TANC1: variants seen among roughly 807,000 people sequenced by gnomAD.
The protein encoded by TANC1 is tetratricopeptide repeat, ankyrin repeat and coiled-coil containing 1.
A neutral mutation model predicts 149.7 loss-of-function variants in TANC1; 77 were observed. That is an observed-to-expected ratio of 0.51 (90% CI 0.43 to 0.62). TANC1 has a LOEUF of 0.62. TANC1 is among the 20% of genes least tolerant of loss of function. The pLI is 0.00. For missense variants in TANC1, 1,985 were observed against 2,321.8 expected (o/e 0.85, Z 2.98); for synonymous variants, 854 against 925.0 (o/e 0.92, Z 1.39).
chr2:159,102,264 T>A (rs2149957608), intron 4 of TANC1, among the ~76,000 whole-genome samples: 1 of 152,242 alleles, frequency 6.6e-6, no homozygotes, highest in Middle Eastern at 3.4e-3. Context: ...TCTTGTGTGC[T>A]GCTTGTGTCA....
intron 17 of TANC1, among the ~76,000 whole-genome samples, chr2:159,195,633 A>G (rs1312176900): frequency 1.3e-5 from 2 of 152,234 alleles, no homozygotes; most frequent in East Asian, 3.8e-4. Flanking sequence ...TCTCAAATCC[A>G]ACATTTGGGA....
intron 2 of TANC1, among the ~76,000 whole-genome samples, chr2:159,024,193 T>C (rs1367550291): frequency 4.6e-5 from 7 of 152,202 alleles, no homozygotes; most frequent in Admixed American, 4.6e-4. Flanking sequence ...ACATGGCATG[T>C]GTATGCAATG....
chr2:159,106,030 C>T (rs923466695), intron 4 of TANC1, among the ~76,000 whole-genome samples: 22 of 151,510 alleles, frequency 1.5e-4, no homozygotes, highest in South Asian at 4.2e-4. Context: ...TGTTTTATGA[C>T]GCACAGAAGT....
chr2:159,201,020 A>C (rs2058207531), intron 19 of TANC1, among the ~76,000 whole-genome samples: 1 of 152,192 alleles, frequency 6.6e-6, no homozygotes, highest in Non-Finnish European at 1.5e-5. Context: ...CGTTTGTTAA[A>C]ATTTAAAGCA....
intron 2 of TANC1, among the ~76,000 whole-genome samples, chr2:159,010,428 AGT>A (rs1486639681): frequency 1.3e-5 from 2 of 152,204 alleles, no homozygotes; most frequent in Non-Finnish European, 2.9e-5. Flanking sequence ...TCACTAAAAG[AGT>A]GAATCAGGGA....
chr2:159,037,298 C>A (rs1318589089), intron 2 of TANC1, among the ~76,000 whole-genome samples: 3 of 152,064 alleles, frequency 2.0e-5, no homozygotes, highest in South Asian at 2.1e-4. Flanking sequence ...AAATTTTCTC[C>A]CATTCTGTAG....
chr2:159,017,132 T>A (rs2149404929), intron 2 of TANC1, among the ~76,000 whole-genome samples: 1 of 152,310 alleles, frequency 6.6e-6, no homozygotes, highest in Non-Finnish European at 1.5e-5. Context: ...TTTTAGTCTT[T>A]TTGGAACACT....
chr2:159,224,544 T>G, intron 23 of TANC1, 180 bp downstream of exon 23: 8 of 699,294 alleles, frequency 1.1e-5, no homozygotes, highest in Non-Finnish European at 1.9e-5. Flanking sequence ...CTCACGGTGT[T>G]TCTGCGGGGA....
At chr2:159,011,043 C>T (rs1343703597) in intron 2 of TANC1, among the ~76,000 whole-genome samples, 1 of 152,100 alleles carries the variant, frequency 6.6e-6, no homozygotes, top group African/African-American at 2.4e-5. Context: ...ACAATAGTTG[C>T]TTTAATCCTG....
chr2:159,194,364 T>C lies in TANC1; in HGVS notation c.2850T>C (p.Val950=), dbSNP rs2057697161. Residue 950 remains valine (V), a synonymous_variant, in exon 17 of 27, where the codon GTT becomes GTC. Transcript: ENST00000263635. ...CVQSHLGHEE[V]VTLLLEFGAC... ...AGTCTCACCTTGGCCACGAGGAAGT[T>C]GTCACTCTGCTCCTGGAATTTGGTG... The C allele has an allele frequency of 1.2e-6, 2 of 1,614,154 alleles. No individual in the cohort carries two copies. Among genetic ancestry groups the C allele is most frequent in the African/African-American group, 1.3e-5 (1 of 74,958 alleles).
At chr2:159,025,191 TTC>T (rs72427104) in intron 2 of TANC1, among the ~76,000 whole-genome samples, 1 of 120,702 alleles carries the variant, frequency 8.3e-6, no homozygotes, top group Non-Finnish European at 1.7e-5. Context: ...TTTCTTTCTT[TTC>T]TTTCTTTCTT....
At position 159,230,228 on chromosome 2, in the gene TANC1, T is replaced by G. The variant is rs751144975; in HGVS notation, c.4802T>G (p.Leu1601Arg). The G allele has an allele frequency of 6.2e-7, 1 of 1,613,950 alleles. No individual in the cohort carries two copies. Among genetic ancestry groups the G allele is most frequent in the Non-Finnish European group, 8.5e-7 (1 of 1,180,040 alleles). Reference protein sequence around the residue: ...RAGCGHFGDRLGPSQNVRLQC... With the variant: ...RAGCGHFGDRRGPSQNVRLQC... ...GGTTGTGGCCACTTTGGGGATCGGC[T>G]GGGCCCCAGCCAGAATGTCCGCCTG... The change falls in exon 27 of 27, where the codon CTG (leucine) becomes CGG (arginine). Residue 1601 changes from leucine to arginine, a missense_variant. Around this residue, in one of 3 missense-constraint regions of TANC1, gnomAD observed 920 missense variants for 994.7 expected, o/e 0.92. Coordinates refer to ENST00000263635, the MANE Select transcript of TANC1 (RefSeq NM_033394.3). The surrounding 1 kb of genome is among the most constrained non-coding windows in gnomAD (Gnocchi z 4.4).
At position 158,988,326 on chromosome 2, in the gene TANC1, A is replaced by C. The variant is rs937190438; in HGVS notation, c.-125-12754A>C. Among the ~76,000 whole-genome samples, 67 of 136,910 alleles carry C rather than the reference A, an allele frequency of 4.9e-4. 1 individual carries two copies. The highest frequency in any genetic ancestry group is 1.5e-3 in the African/African-American group (52 of 35,578). The allele number at this position is 136,910 out of a possible 152,430, so 89.8% of individuals were successfully genotyped here. On this transcript the variant is annotated intron_variant, in intron 1 of 26. Coordinates refer to ENST00000263635, the MANE Select transcript of TANC1 (RefSeq NM_033394.3). ...TGGGTGACAGGCAAGACCCTGTCCC[A>C]AAAAAAAAAAAAAAAAAGAAAAAGT...
intron 6 of TANC1, chr2:159,149,707 AAGATG>A (rs1442561758): frequency 5.0e-6 from 1 of 200,490 alleles, no homozygotes; most frequent in Non-Finnish European, 1.0e-5. Context: ...GAGACAAAAT[AAGATG>A]AGATCAAATG....
chr2:159,085,839 A>G (rs1468688942), intron 3 of TANC1, among the ~76,000 whole-genome samples: 2 of 152,164 alleles, frequency 1.3e-5, no homozygotes, highest in African/African-American at 4.8e-5. Flanking sequence ...ACATTTCCAC[A>G]TGAAATTTCA....
chr2:159,047,891 T>A (rs1279629470), intron 2 of TANC1, among the ~76,000 whole-genome samples: 2 of 152,186 alleles, frequency 1.3e-5, no homozygotes, highest in African/African-American at 4.8e-5. Flanking sequence ...TTAAAACTCA[T>A]CACTGGGCCT....
At chr2:159,085,824 G>A (rs1431559531) in intron 3 of TANC1, among the ~76,000 whole-genome samples, 2 of 152,090 alleles carry the variant, frequency 1.3e-5, no homozygotes, top group African/African-American at 2.4e-5. Context: ...CACCTAGTGC[G>A]GATTACATTT....
intron 7 of TANC1, among the ~76,000 whole-genome samples, chr2:159,156,929 C>A (rs1209218618): frequency 6.6e-6 from 1 of 152,218 alleles, no homozygotes; most frequent in Middle Eastern, 3.2e-3. Context: ...GTTGAAGAGC[C>A]TGATGAATGT....
chr2:159,027,874 G>A (rs1243106806), intron 2 of TANC1, among the ~76,000 whole-genome samples: 1 of 152,160 alleles, frequency 6.6e-6, no homozygotes, highest in East Asian at 1.9e-4. Context: ...CTTCAAATGA[G>A]GGTCTTCTTC....
Sources: gnomAD v4.1 joint callset for allele counts (sites outside exome capture counted in the v4.1 genomes callset) on GRCh38, gnomAD v4.1.1 for gene constraint, gnomAD v4.1.1 regional missense constraint, Gnocchi (gnomAD v3.1) non-coding constraint, MANE v1.5 for transcripts, NCBI Gene and HGNC (gene_info 2026-07-23, HGNC 2026-07-21) for gene names.